The following SLF1 variants were observed in gnomAD, a reference collection of about 807,000 sequenced individuals.
The protein encoded by SLF1 is SMC5-SMC6 complex localization factor protein 1.
In SLF1, 105 loss-of-function variants were observed where a neutral mutation model predicts 123.0. That is an observed-to-expected ratio of 0.85 (90% CI 0.73 to 1.00). The LOEUF (loss-of-function observed/expected upper bound fraction) is 1.00, where lower values mean the gene tolerates loss of function less well. Ranked by LOEUF, SLF1 falls within the 50% of genes least tolerant of loss-of-function variation. The pLI is 0.00. For missense variants in SLF1, 1,239 were observed against 1,223.0 expected (o/e 1.01, Z -0.20); for synonymous variants, 434 against 406.6 (o/e 1.07, Z -0.81).
At chr5:94,633,538 C>A (rs752177021) in intron 4 of SLF1, among the ~76,000 whole-genome samples, 3 of 152,128 alleles carry the variant, frequency 2.0e-5, no homozygotes, top group Non-Finnish European at 4.4e-5. Flanking sequence ...CTTAAAATTT[C>A]TGTTTAGCAT....
At chr5:94,668,882 T>G (rs1343907620) in intron 12 of SLF1, among the ~76,000 whole-genome samples, 1 of 152,202 alleles carries the variant, frequency 6.6e-6, no homozygotes, top group Non-Finnish European at 1.5e-5. Context: ...TAAAGAGAGG[T>G]GCTCAGTCTT....
chr5:94,697,598 G>A lies in SLF1; in HGVS notation c.*2286G>A, dbSNP rs1285002893. 2.0e-5 allele frequency: 3 copies of A among 151,806 alleles called. No individual in the cohort carries two copies. The highest frequency in any genetic ancestry group is 4.4e-5 in the Non-Finnish European group (3 of 67,872). The allele number at this position is 151,806 out of a possible 1,614,324, so 9.4% of individuals were successfully genotyped here. Reference sequence around the variant, plus strand: ...CCTTATTACAATGTAAATAAAGCTGGAGAGGAGATTTCTGAGCAGTTAAGA... The same window carrying A: ...CCTTATTACAATGTAAATAAAGCTGAAGAGGAGATTTCTGAGCAGTTAAGA... On this transcript the variant is annotated 3_prime_UTR_variant, in exon 21 of 21. Transcript: ENST00000265140.
At chr5:94,652,014 CTT>C (rs11321582) in intron 7 of SLF1, among the ~76,000 whole-genome samples, 169 bp downstream of exon 7, 13 of 130,914 alleles carry the variant, frequency 9.9e-5, no homozygotes, top group African/African-American at 8.2e-5. Context: ...TTTCTTTTTT[CTT>C]TTTTTTTTTT....
chr5:94,627,169 T>C (rs1744539005), intron 1 of SLF1, among the ~76,000 whole-genome samples: 1 of 152,232 alleles, frequency 6.6e-6, no homozygotes, highest in Non-Finnish European at 1.5e-5. Context: ...TAAAGTTTAC[T>C]TGTAATTGTA....
In SLF1 at chr5:94,643,390, G is replaced by A; in HGVS notation, c.549G>A (p.Lys183=). The part of the protein sequence containing the change: ...IKAEKEKDNF[K]APFYPIQYLG... ...CTGAGAAAGAAAAAGATAACTTTAA[G>A]GCTCCATTTTATCCAATTCAGTATC... The change falls in exon 5 of 21, where the codon AAG becomes AAA. Residue 183 remains lysine, a synonymous_variant. Transcript: ENST00000265140. 6.5e-7 allele frequency: 1 copy of A among 1,535,632 alleles called. No individual in the cohort carries two copies. Among genetic ancestry groups the A allele is most frequent in the Non-Finnish European group, 8.8e-7 (1 of 1,137,186 alleles).
rs542768204 is a variant in SLF1, at chr5:94,675,010, C to T, written c.1828-3798C>T. Among the ~76,000 whole-genome samples the T allele has an allele frequency of 6.6e-5, 10 of 152,308 alleles. No homozygotes were observed. In the South Asian group the frequency reaches 1.9e-3, roughly 28 times the overall value. ...ACTAGAGGCCAAGTCTCCACTGCAC[C>T]ACACTTTCTCATGTTTCAAATGCCA... is the stretch of plus-strand genomic sequence containing the variant. On this transcript the variant is annotated intron_variant, in intron 14 of 20. Coordinates refer to ENST00000265140, the MANE Select transcript of SLF1 (RefSeq NM_032290.4).
chr5:94,689,381 A>G, intron 17 of SLF1, 92 bp from the exon 18 acceptor site: 2 of 1,303,606 alleles, frequency 1.5e-6, no homozygotes, highest in Non-Finnish European at 2.1e-6. Flanking sequence ...TTAAATTAAA[A>G]GGGGGCTAGA....
At chr5:94,661,839 AG>A (rs1391639722) in intron 9 of SLF1, among the ~76,000 whole-genome samples, 1 of 152,048 alleles carries the variant, frequency 6.6e-6, no homozygotes, top group Non-Finnish European at 1.5e-5. Flanking sequence ...GCCCAGCCTC[AG>A]GGTATTATCT....
chr5:94,643,088 T>C (rs1160012630), intron 4 of SLF1, among the ~76,000 whole-genome samples, 185 bp from the exon 5 acceptor site: 1 of 152,150 alleles, frequency 6.6e-6, no homozygotes, highest in Non-Finnish European at 1.5e-5. Flanking sequence ...TTCTTAAATA[T>C]CTACTCTGAA....
At chr5:94,619,122 G>A (rs1272353373) in intron 1 of SLF1, among the ~76,000 whole-genome samples, 1 of 152,074 alleles carries the variant, frequency 6.6e-6, no homozygotes, top group African/African-American at 2.4e-5. Flanking sequence ...AAGGCGCTAG[G>A]CCCCCCGCGT....
At chr5:94,683,275 A>G (rs1042856808) in intron 15 of SLF1, among the ~76,000 whole-genome samples, 10 of 152,166 alleles carry the variant, frequency 6.6e-5, no homozygotes, top group African/African-American at 9.7e-5. Flanking sequence ...ATGTATCATT[A>G]CTAACTCTAA....
At chr5:94,620,315 G>A (rs1467594761) in intron 1 of SLF1, 1 of 152,144 alleles carries the variant, frequency 6.6e-6, no homozygotes, top group Non-Finnish European at 1.5e-5. Flanking sequence ...TTTATTATGC[G>A]TTATTAAGTA....
At chr5:94,641,850 A>G (rs1746484657) in intron 4 of SLF1, among the ~76,000 whole-genome samples, 1 of 152,196 alleles carries the variant, frequency 6.6e-6, no homozygotes, top group South Asian at 2.1e-4. Context: ...TCTGCCTTGT[A>G]CATGTAGGCA....
chr5:94,695,863 C>T lies in SLF1; in HGVS notation c.*551C>T, dbSNP rs1418671104. 3 of 151,744 alleles carry T rather than the reference C, an allele frequency of 2.0e-5. No homozygotes were observed. The highest frequency in any genetic ancestry group is 4.8e-5 in the African/African-American group (2 of 41,366). 9.4% of individuals were successfully genotyped at this position (151,744 alleles called of 1,614,324 possible). Reference sequence around the variant, plus strand: ...CTAAAATAAACATTTCTAAAATTTACAGTAATAATTAATATTCTTTTGGTT... The same window carrying T: ...CTAAAATAAACATTTCTAAAATTTATAGTAATAATTAATATTCTTTTGGTT... On this transcript the variant is annotated 3_prime_UTR_variant, in exon 21 of 21. Coordinates refer to ENST00000265140, the MANE Select transcript of SLF1 (RefSeq NM_032290.4).
At chr5:94,635,747 TA>T (rs1745698460) in intron 4 of SLF1, among the ~76,000 whole-genome samples, 1 of 152,218 alleles carries the variant, frequency 6.6e-6, no homozygotes, top group South Asian at 2.1e-4. Context: ...TATTATTTTC[TA>T]ATTTGTATCC....
At position 94,686,549 on chromosome 5, in the gene SLF1, ATTAAC is replaced by A; in HGVS notation, c.1976-20_1976-16del. ...TTGTATAGGATACAGCAATAACTAT[ATTAAC>A]TTACCTTATGTTCTCCAGACTTTTC... On this transcript the variant is annotated intron_variant, in intron 15 of 20. Coordinates refer to ENST00000265140, the MANE Select transcript of SLF1 (RefSeq NM_032290.4). The A allele has an allele frequency of 6.2e-7, 1 of 1,611,094 alleles. No homozygotes were observed. The highest frequency in any genetic ancestry group is 1.1e-5 in the South Asian group (1 of 91,030).
intron 10 of SLF1, among the ~76,000 whole-genome samples, chr5:94,663,000 CCAAT>C (rs772353848): frequency 1.1e-4 from 16 of 152,210 alleles, no homozygotes; most frequent in South Asian, 2.1e-4. Context: ...TATGATTCTC[CCAAT>C]CAGTTTTCAC....
At chr5:94,645,698 T>C (rs952707181) in intron 5 of SLF1, among the ~76,000 whole-genome samples, 1 of 152,180 alleles carries the variant, frequency 6.6e-6, no homozygotes, top group African/African-American at 2.4e-5. Context: ...CAATAGTATA[T>C]CAACCAGATA....
intron 15 of SLF1, among the ~76,000 whole-genome samples, chr5:94,682,878 AC>A (rs1751975235): frequency 6.6e-6 from 1 of 152,250 alleles, no homozygotes. Flanking sequence ...AGTAAATATT[AC>A]TGGCTTTTTA....
Sources: allele counts gnomAD v4.1 joint callset (sites outside exome capture counted in the v4.1 genomes callset), GRCh38; gene constraint gnomAD v4.1.1; transcripts MANE v1.5; gene names NCBI Gene and HGNC (gene_info 2026-07-23, HGNC 2026-07-21).